SLIT3: variants seen among roughly 807,000 people sequenced by gnomAD.
The protein encoded by SLIT3 is slit homolog 3 protein.
SLIT3 carries 68 observed loss-of-function variants against 184.0 expected under a neutral mutation model. That is an observed-to-expected ratio of 0.37 (90% confidence interval 0.30 to 0.45). The LOEUF is 0.45. Ranked by LOEUF, SLIT3 falls within the 20% of genes least tolerant of loss-of-function variation. SLIT3 has a pLI of 1.00. For synonymous variants in SLIT3, 831 were observed against 828.6 expected, an observed-to-expected ratio of 1.00 and a Z score of -0.05; for missense variants, 1,707 against 2,026.0, an observed-to-expected ratio of 0.84 and a Z score of 3.02.
chr5:168,721,765 A>G (rs980518353), intron 23 of SLIT3, among the ~76,000 whole-genome samples: 1 of 152,178 alleles, frequency 6.6e-6, no homozygotes, highest in African/African-American at 2.4e-5. Context: ...ATTGCTAACT[A>G]ATAGCTGTCT....
At chr5:168,990,527 A>C (rs534454009) in intron 4 of SLIT3, among the ~76,000 whole-genome samples, 2 of 152,238 alleles carry the variant, frequency 1.3e-5, no homozygotes, top group South Asian at 4.2e-4. Context: ...ATTTAAAACA[A>C]TTATCTCCCT....
chr5:169,200,256 C>G (rs1359471936), intron 3 of SLIT3, among the ~76,000 whole-genome samples: 13 of 152,194 alleles, frequency 8.5e-5, no homozygotes, highest in Admixed American at 8.5e-4. Flanking sequence ...TGTCAGCTGC[C>G]CAATCAGGCC....
At chr5:168,814,295 C>T (rs1757258247) in intron 8 of SLIT3, among the ~76,000 whole-genome samples, 1 of 152,140 alleles carries the variant, frequency 6.6e-6, no homozygotes, top group African/African-American at 2.4e-5. Flanking sequence ...ACTCAGGAGG[C>T]TGAGGCAGGA....
At chr5:169,229,160 C>T (rs886721368) in intron 3 of SLIT3, among the ~76,000 whole-genome samples, 1 of 151,946 alleles carries the variant, frequency 6.6e-6, no homozygotes, top group African/African-American at 2.4e-5. Flanking sequence ...TATACCCAGG[C>T]TCACAACAAT....
At position 168,762,648 on chromosome 5, in the gene SLIT3, T is replaced by C; in HGVS notation, c.1501A>G (p.Met501Val). Residue 501 changes from methionine (M) to valine (V), a missense_variant, in exon 15 of 36, where the codon ATG becomes GTG. Around this residue, in one of 3 missense-constraint regions of SLIT3, gnomAD observed 1,307 missense variants for 1,511.6 expected, o/e 0.86. Coordinates refer to ENST00000519560, the MANE Select transcript of SLIT3 (RefSeq NM_003062.4). ...YRSRFSSECF[M>V]DLVCPEKCRC... ...CACTTCTCGGGGCACACGAGGTCCA[T>C]GAAGCACTCGCTGCTGAACCTGCTG... 4 of 1,614,084 alleles carry C rather than the reference T, an allele frequency of 2.5e-6. No individual in the cohort carries two copies. The highest frequency in any genetic ancestry group is 1.3e-5 in the African/African-American group (1 of 75,014).
At chr5:168,765,817 T>C (rs75755292) in intron 14 of SLIT3, among the ~76,000 whole-genome samples, 2,259 of 152,288 alleles carry the variant, frequency 0.015, 22 homozygotes, top group Middle Eastern at 0.034. Flanking sequence ...GAAGAGCTGA[T>C]GTCATCTGGC....
At chr5:168,726,690 G>C (rs1008253801) in intron 20 of SLIT3, among the ~76,000 whole-genome samples, 1 of 151,904 alleles carries the variant, frequency 6.6e-6, no homozygotes, top group African/African-American at 2.4e-5. Flanking sequence ...TGCAGTTGAA[G>C]AGCCAGGTGT....
intron 23 of SLIT3, among the ~76,000 whole-genome samples, chr5:168,715,442 A>G (rs1450918154): frequency 6.6e-6 from 1 of 152,092 alleles, no homozygotes; most frequent in Non-Finnish European, 1.5e-5. Context: ...TCAGAGTCAC[A>G]GTGATTGGTG....
At chr5:169,031,772 G>A (rs1299422135) in intron 4 of SLIT3, among the ~76,000 whole-genome samples, 1 of 152,188 alleles carries the variant, frequency 6.6e-6, no homozygotes, top group Non-Finnish European at 1.5e-5. Context: ...GAGGTATCAT[G>A]ATTGATTGAC....
chr5:168,997,795 C>T (rs77484252), intron 4 of SLIT3, among the ~76,000 whole-genome samples: 5,316 of 152,234 alleles, frequency 0.035, 111 homozygotes, highest in Middle Eastern at 0.051. Flanking sequence ...CATGGGGATT[C>T]AAGTGTCAAC....
chr5:168,966,760 C>T (rs1481624877), intron 4 of SLIT3, among the ~76,000 whole-genome samples: 1 of 152,176 alleles, frequency 6.6e-6, no homozygotes, highest in Non-Finnish European at 1.5e-5. Flanking sequence ...GGTGTTCCTT[C>T]CAGCCTCTCC....
intron 4 of SLIT3, among the ~76,000 whole-genome samples, chr5:168,931,681 C>T (rs1316320786): frequency 6.6e-6 from 1 of 152,208 alleles, no homozygotes; most frequent in Non-Finnish European, 1.5e-5. Flanking sequence ...GGCCCAGCCT[C>T]CCAGCTTTCA....
chr5:168,962,192 G>A (rs1763034660), intron 4 of SLIT3, among the ~76,000 whole-genome samples: 1 of 152,110 alleles, frequency 6.6e-6, no homozygotes, highest in Non-Finnish European at 1.5e-5. Context: ...CATCTCCCAA[G>A]TGGCTGGTCA....
rs142344496 is a variant in SLIT3 at position 168,847,741 on chromosome 5, G to A, written c.486-3086C>T. ...TTCTTTGAGGATGGTGGAGTGGAGC[G>A]TTACTAAACACACAGAGAACCTTCC... is the stretch of plus-strand genomic sequence containing the variant. On this transcript the variant is annotated intron_variant, in intron 5 of 35. Transcript: ENST00000519560. Among the ~76,000 whole-genome samples, 50 of 152,282 alleles carry A rather than the reference G, an allele frequency of 3.3e-4. No homozygotes were observed. In the East Asian group the frequency reaches 9.1e-3, roughly 28 times the overall value.
At chr5:169,264,063 CAAAAAAAACCACTG>C (rs1766307410) in intron 1 of SLIT3, among the ~76,000 whole-genome samples, 1 of 150,566 alleles carries the variant, frequency 6.6e-6, no homozygotes, top group African/African-American at 2.4e-5. Context: ...TCCTACCTTC[CAAAAAAAACCACTG>C]AAAAAAGGAG....
chr5:169,117,099 G>A (rs371164841), intron 4 of SLIT3, among the ~76,000 whole-genome samples: 7 of 152,186 alleles, frequency 4.6e-5, no homozygotes, highest in African/African-American at 1.4e-4. Flanking sequence ...ATCCTGTGAA[G>A]CGACTGGAGG....
intron 5 of SLIT3, among the ~76,000 whole-genome samples, chr5:168,881,616 C>CA (rs1433724873): frequency 6.6e-6 from 1 of 152,184 alleles, no homozygotes; most frequent in East Asian, 1.9e-4. Context: ...CCCTGACGTT[C>CA]TGGCAGGCTA....
At chr5:168,904,717 G>C (rs558517896) in intron 4 of SLIT3, among the ~76,000 whole-genome samples, 2 of 152,250 alleles carry the variant, frequency 1.3e-5, no homozygotes, top group East Asian at 3.9e-4. Context: ...TGTGCAATTA[G>C]AGAAACCCCA....
intron 3 of SLIT3, among the ~76,000 whole-genome samples, chr5:169,231,456 T>C (rs1005423299): frequency 3.9e-5 from 6 of 152,192 alleles, no homozygotes; most frequent in Non-Finnish European, 8.8e-5. Context: ...TGGAATCAGG[T>C]AATATATATT....
Sources: allele counts gnomAD v4.1 joint callset (sites outside exome capture counted in the v4.1 genomes callset), GRCh38; gene constraint gnomAD v4.1.1; regional missense constraint gnomAD v4.1.1; transcripts MANE v1.5; gene names NCBI Gene and HGNC (gene_info 2026-07-23, HGNC 2026-07-21).